Variants in GALNT17 observed in about 807,000 individuals in gnomAD.
The protein encoded by GALNT17 is polypeptide N-acetylgalactosaminyltransferase 17.
A neutral mutation model predicts 63.7 loss-of-function variants in GALNT17; 29 were observed. The ratio of observed to expected loss-of-function variants is 0.46; its 90% confidence interval spans 0.34 to 0.62. The LOEUF (loss-of-function observed/expected upper bound fraction) is 0.62. Among genes scored for constraint, GALNT17 ranks in the 20% least tolerant of loss-of-function variants. GALNT17 has a pLI of 0.01. For synonymous variants in GALNT17, 305 were observed against 318.3 expected (o/e 0.96, Z 0.45); for missense variants, 603 against 799.6 (o/e 0.75, Z 2.97).
chr7:71,448,296 C>A (rs76024868), intron 5 of GALNT17, among the ~76,000 whole-genome samples: 1 of 152,002 alleles, frequency 6.6e-6, no homozygotes, highest in Non-Finnish European at 1.5e-5. Context: ...ATTGCACTGG[C>A]ACTCAATAGA....
intron 3 of GALNT17, among the ~76,000 whole-genome samples, chr7:71,394,028 G>A (rs1346092480): frequency 6.6e-6 from 1 of 152,042 alleles, no homozygotes; most frequent in Non-Finnish European, 1.5e-5. Context: ...CTCTTCCTTG[G>A]TTTCTTAGTC....
chr7:71,360,487 G>A (rs1792377624), intron 2 of GALNT17, among the ~76,000 whole-genome samples: 1 of 150,372 alleles, frequency 6.7e-6, no homozygotes, highest in Non-Finnish European at 1.5e-5. Flanking sequence ...TTTAATTACT[G>A]CAGATATACA....
At chr7:71,681,178 G>T (rs1189540323) in intron 9 of GALNT17, among the ~76,000 whole-genome samples, 1 of 152,188 alleles carries the variant, frequency 6.6e-6, no homozygotes, top group Non-Finnish European at 1.5e-5. Flanking sequence ...TGGGATTACA[G>T]GCGTGAGCCT....
chr7:71,288,344 G>A (rs1790915490), intron 1 of GALNT17, among the ~76,000 whole-genome samples: 2 of 152,130 alleles, frequency 1.3e-5, no homozygotes, highest in South Asian at 2.1e-4. Flanking sequence ...GCAGGAAAAG[G>A]GAGAGGAGAG....
chr7:71,190,100 A>C (rs987146674), intron 1 of GALNT17, among the ~76,000 whole-genome samples: 12 of 152,264 alleles, frequency 7.9e-5, no homozygotes, highest in Middle Eastern at 3.4e-3. Context: ...CATGAGCCAT[A>C]GCACCTGGCT....
At chr7:71,527,844 C>A (rs1223318807) in intron 5 of GALNT17, among the ~76,000 whole-genome samples, 1 of 152,314 alleles carries the variant, frequency 6.6e-6, no homozygotes, top group East Asian at 1.9e-4. Context: ...ACACTGCGCT[C>A]TGTCATAGAG....
intron 6 of GALNT17, among the ~76,000 whole-genome samples, chr7:71,593,060 G>T (rs1486008039): frequency 1.3e-5 from 2 of 152,030 alleles, no homozygotes; most frequent in South Asian, 2.1e-4. Context: ...GAAGTGGGAG[G>T]ATTGCTTGAG....
intron 2 of GALNT17, among the ~76,000 whole-genome samples, chr7:71,362,229 A>AT: frequency 6.6e-6 from 1 of 152,258 alleles, no homozygotes; most frequent in East Asian, 1.9e-4. Flanking sequence ...AAATGTTGGG[A>AT]TTATAGGCGT....
intron 1 of GALNT17, among the ~76,000 whole-genome samples, chr7:71,170,960 C>T: frequency 6.6e-6 from 1 of 151,894 alleles, no homozygotes; most frequent in East Asian, 1.9e-4. Context: ...AGGTCAGAGG[C>T]AGAATTTCCC....
chr7:71,220,627 G>A (rs1295415708), intron 1 of GALNT17, among the ~76,000 whole-genome samples: 1 of 152,116 alleles, frequency 6.6e-6, no homozygotes, highest in Admixed American at 6.5e-5. Flanking sequence ...TGTACTTGGA[G>A]ATAGGGCTTT....
At chr7:71,571,560 C>T (rs1422387942) in intron 6 of GALNT17, among the ~76,000 whole-genome samples, 158 bp downstream of exon 6, 1 of 152,048 alleles carries the variant, frequency 6.6e-6, no homozygotes, top group Non-Finnish European at 1.5e-5. Context: ...GCACTGTCAC[C>T]CCTCCTTATG....
At chr7:71,455,166 CAA>C (rs535222662) in intron 5 of GALNT17, among the ~76,000 whole-genome samples, 22 of 127,404 alleles carry the variant, frequency 1.7e-4, no homozygotes, top group Admixed American at 2.4e-4. Flanking sequence ...AATCTTGTTT[CAA>C]AAAAAAAAAA....
chr7:71,145,575 A>G (rs771131303), intron 1 of GALNT17, among the ~76,000 whole-genome samples: 1 of 152,218 alleles, frequency 6.6e-6, no homozygotes. Context: ...GCAAACAACC[A>G]TGAGCAAGCA....
intron 1 of GALNT17, among the ~76,000 whole-genome samples, chr7:71,199,021 G>C (rs1247087692): frequency 1.3e-5 from 2 of 152,152 alleles, no homozygotes; most frequent in African/African-American, 4.8e-5. Context: ...TGTTGATACT[G>C]TTAGTCCTGG....
At chr7:71,536,959 C>T (rs10259994) in intron 5 of GALNT17, among the ~76,000 whole-genome samples, 110,807 of 152,018 alleles carry the variant, frequency 0.73, 40,677 homozygotes, top group Middle Eastern at 0.79. Flanking sequence ...TTGAGTCACT[C>T]TGTATGCCCT....
rs551179610 is a variant in GALNT17 at position 71,285,197 on chromosome 7, T to C, written c.239-50353T>C. ...GAATACACCTTTCTGATCCTTTTTT[T>C]CCTACCTTCTTTGACTACATATTAT... On this transcript the variant is annotated intron_variant, in intron 1 of 10. Transcript: ENST00000333538. Among the ~76,000 whole-genome samples, 9 of 152,344 alleles carry C rather than the reference T, an allele frequency of 5.9e-5. No individual in the cohort carries two copies. The South Asian group carries it at 1.7e-3, about 28-fold the overall frequency.
intron 1 of GALNT17, among the ~76,000 whole-genome samples, chr7:71,157,237 A>T (rs34895774): frequency 2.0e-5 from 3 of 151,804 alleles, no homozygotes; most frequent in Non-Finnish European, 4.4e-5. Context: ...CCTAGTTCCC[A>T]TATCTGCATC....
chr7:71,156,914 C>T (rs1232952098), intron 1 of GALNT17, among the ~76,000 whole-genome samples: 1 of 151,100 alleles, frequency 6.6e-6, no homozygotes, highest in African/African-American at 2.4e-5. Context: ...GATATATTTT[C>T]ATTTTAATTT....
intron 5 of GALNT17, among the ~76,000 whole-genome samples, chr7:71,422,638 G>A (rs1028564569): frequency 6.6e-6 from 1 of 152,220 alleles, no homozygotes; most frequent in East Asian, 1.9e-4. Context: ...ACCCCATGGC[G>A]GTCTCCAGGA....
Sources: gnomAD v4.1 joint callset for allele counts (sites outside exome capture counted in the v4.1 genomes callset) on GRCh38, gnomAD v4.1.1 for gene constraint, MANE v1.5 for transcripts, NCBI Gene and HGNC (gene_info 2026-07-23, HGNC 2026-07-21) for gene names.